CHCHD6: variants seen among roughly 807,000 people sequenced by gnomAD.
CHCHD6 encodes MICOS complex subunit MIC25.
A neutral mutation model predicts 32.3 loss-of-function variants in CHCHD6; 28 were observed. That is an observed-to-expected ratio of 0.87 (90% CI 0.64 to 1.19). The LOEUF is 1.19. Ranked by LOEUF, CHCHD6 falls within the 50% of genes most tolerant of loss-of-function variation. The pLI, the probability that CHCHD6 is intolerant of heterozygous loss-of-function variation, is 0.00. For synonymous variants in CHCHD6, 122 were observed against 117.5 expected (o/e 1.04, Z -0.25); for missense variants, 333 against 307.0 (o/e 1.08, Z -0.63).
At chr3:126,754,175 G>A (rs549519096) in intron 4 of CHCHD6, among the ~76,000 whole-genome samples, 2 of 152,350 alleles carry the variant, frequency 1.3e-5, no homozygotes, top group Admixed American at 6.5e-5. Flanking sequence ...AAGGTTAAAA[G>A]AATCTCATCT....
chr3:126,730,901 G>A (rs1444615370), intron 3 of CHCHD6, among the ~76,000 whole-genome samples: 2 of 151,970 alleles, frequency 1.3e-5, no homozygotes, highest in African/African-American at 4.8e-5. Flanking sequence ...TTGAGGCCAG[G>A]AGTTTGAGAC....
chr3:126,855,758 G>A (rs755862684), intron 5 of CHCHD6, among the ~76,000 whole-genome samples: 1 of 152,058 alleles, frequency 6.6e-6, no homozygotes, highest in Non-Finnish European at 1.5e-5. Context: ...ATCTTTGCAC[G>A]GGACCCCTAT....
intron 4 of CHCHD6, among the ~76,000 whole-genome samples, chr3:126,749,099 G>A (rs1936622017): frequency 6.6e-6 from 1 of 152,146 alleles, no homozygotes; most frequent in African/African-American, 2.4e-5. Flanking sequence ...CCCCGGCCTG[G>A]GTGGTAGAGA....
At chr3:126,759,589 C>A (rs1352519115) in intron 4 of CHCHD6, among the ~76,000 whole-genome samples, 1 of 152,090 alleles carries the variant, frequency 6.6e-6, no homozygotes, top group Non-Finnish European at 1.5e-5. Context: ...TCTATAAAAC[C>A]ACTTGGATTT....
At chr3:126,790,606 T>C (rs1411037151) in intron 4 of CHCHD6, among the ~76,000 whole-genome samples, 1 of 152,246 alleles carries the variant, frequency 6.6e-6, no homozygotes, top group African/African-American at 2.4e-5. Context: ...TTCTTCCAGC[T>C]GATTGAATCA....
chr3:126,955,388 C>T (rs183985151), intron 6 of CHCHD6, among the ~76,000 whole-genome samples: 3 of 152,252 alleles, frequency 2.0e-5, no homozygotes, highest in Non-Finnish European at 2.9e-5. Flanking sequence ...AAACCCCCCC[C>T]ACCCAGTCCT....
At chr3:126,834,026 A>C (rs938938677) in intron 4 of CHCHD6, among the ~76,000 whole-genome samples, 61 of 131,000 alleles carry the variant, frequency 4.7e-4, no homozygotes, top group Non-Finnish European at 8.3e-4. Context: ...TGCACTCCAG[A>C]CTGGGCGACA....
Position 126,937,634 on chromosome 3 carries a change from A to T in CHCHD6, c.567-19782A>T, listed in dbSNP as rs923093523. Among the ~76,000 whole-genome samples the T allele has an allele frequency of 4.9e-4, 74 of 152,186 alleles. 1 individual carries two copies. The highest frequency in any genetic ancestry group is 1.5e-3 in the African/African-American group (64 of 41,446). On this transcript the variant is annotated intron_variant, in intron 6 of 7. Transcript: ENST00000290913. ...GAAGATTAAATCCCATGCCTTACAG[A>T]TGCTCACTGCCTGTTCACGGGCTTT...
chr3:126,709,703 G>T (rs1449391509), intron 1 of CHCHD6, among the ~76,000 whole-genome samples: 1 of 152,174 alleles, frequency 6.6e-6, no homozygotes, highest in Non-Finnish European at 1.5e-5. Context: ...CTGTGAAATT[G>T]TATCTCATCG....
intron 4 of CHCHD6, among the ~76,000 whole-genome samples, chr3:126,801,035 C>T (rs867167102): frequency 2.8e-4 from 43 of 152,232 alleles, no homozygotes; most frequent in African/African-American, 8.9e-4. Flanking sequence ...CTTCCTCTAA[C>T]ATGACCAAAA....
At chr3:126,954,567 T>A (rs1320686026) in intron 6 of CHCHD6, among the ~76,000 whole-genome samples, 4 of 152,206 alleles carry the variant, frequency 2.6e-5, no homozygotes, top group Non-Finnish European at 5.9e-5. Context: ...CTCACAGAGT[T>A]ACAGCTTAGG....
chr3:126,723,964 C>T (rs1309234681), intron 1 of CHCHD6, among the ~76,000 whole-genome samples: 2 of 152,170 alleles, frequency 1.3e-5, no homozygotes, highest in Admixed American at 1.3e-4. Context: ...GGATTGATCC[C>T]CAGCTTGCTG....
At chr3:126,947,697 A>G (rs1238679951) in intron 6 of CHCHD6, among the ~76,000 whole-genome samples, 5 of 152,184 alleles carry the variant, frequency 3.3e-5, no homozygotes, top group African/African-American at 1.2e-4. Flanking sequence ...TCCCAAGACC[A>G]CAGACATCCA....
chr3:126,841,043 A>C (rs1230665414), intron 4 of CHCHD6, among the ~76,000 whole-genome samples: 260 of 137,240 alleles, frequency 1.9e-3, no homozygotes, highest in African/African-American at 2.7e-3. Flanking sequence ...ATCCCTCCCC[A>C]CTCCCCTCAC....
At chr3:126,892,115 G>T (rs1342225759) in intron 5 of CHCHD6, among the ~76,000 whole-genome samples, 1 of 152,172 alleles carries the variant, frequency 6.6e-6, no homozygotes, top group Non-Finnish European at 1.5e-5. Flanking sequence ...CTCTGAGCAA[G>T]ACACCGGGGG....
intron 6 of CHCHD6, among the ~76,000 whole-genome samples, chr3:126,945,168 C>A (rs188453697): frequency 1.3e-5 from 2 of 151,922 alleles, no homozygotes; most frequent in Admixed American, 6.5e-5. Flanking sequence ...CAGGCACGGG[C>A]GGCTCTTGTG....
chr3:126,957,291 G>A, intron 6 of CHCHD6, 125 bp from the exon 7 acceptor site: 1 of 1,062,630 alleles, frequency 9.4e-7, no homozygotes. Context: ...AGGGTTAAAA[G>A]GATGCTGCTG....
rs1221190121 is a variant in CHCHD6 at position 126,727,258 on chromosome 3, C to T, written c.196+72C>T. 10 of 1,066,464 alleles carry T rather than the reference C, an allele frequency of 9.4e-6. No individual in the cohort carries two copies. In the African/African-American group the frequency reaches 1.6e-4, roughly 17 times the overall value. The allele number at this position is 1,066,464 out of a possible 1,614,324, so 66.1% of individuals were successfully genotyped here. Reference sequence around the variant, plus strand: ...GGAGTGATGGGTGCTCACCCGAGCCCACCTGATGGCGCACAGGGCTCAGGT... The same window carrying T: ...GGAGTGATGGGTGCTCACCCGAGCCTACCTGATGGCGCACAGGGCTCAGGT... On this transcript the variant is annotated intron_variant, in intron 2 of 7. Transcript: ENST00000290913.
intron 6 of CHCHD6, among the ~76,000 whole-genome samples, chr3:126,938,868 C>T (rs1415751228): frequency 2.0e-5 from 3 of 152,192 alleles, no homozygotes; most frequent in Non-Finnish European, 4.4e-5. Context: ...CAGCGATCTT[C>T]ACCCCAAGCT....
Sources: gnomAD v4.1 joint callset for allele counts (sites outside exome capture counted in the v4.1 genomes callset) on GRCh38, gnomAD v4.1.1 for gene constraint, MANE v1.5 for transcripts, NCBI Gene and HGNC (gene_info 2026-07-23, HGNC 2026-07-21) for gene names.